Variants in CRKL observed in about 807,000 individuals in gnomAD.
CRKL encodes the protein CRK like proto-oncogene, adaptor protein.
Under a neutral mutation model 23.0 loss-of-function variants are expected in CRKL, and 3 were observed. The ratio of observed to expected loss-of-function variants is 0.13; its 90% confidence interval spans 0.06 to 0.34. The LOEUF (loss-of-function observed/expected upper bound fraction) is 0.34, where lower values mean the gene tolerates loss of function less well. Ranked by LOEUF, CRKL falls within the 10% of genes least tolerant of loss-of-function variation. The pLI, the probability that CRKL is intolerant of heterozygous loss-of-function variation, is 1.00. For synonymous variants in CRKL, 188 were observed against 160.7 expected (o/e 1.17, Z -1.28); for missense variants, 256 against 394.5 (o/e 0.65, Z 2.97).
chr22:20,925,626 T>C (rs1035797284), intron 1 of CRKL, among the ~76,000 whole-genome samples: 3 of 152,240 alleles, frequency 2.0e-5, no homozygotes, highest in African/African-American at 7.2e-5. Context: ...GAATCTGAGC[T>C]AAAATCATAA....
chr22:20,947,675 C>CTTT (rs1491297940), intron 2 of CRKL, among the ~76,000 whole-genome samples: 14 of 86,000 alleles, frequency 1.6e-4, no homozygotes, highest in African/African-American at 5.1e-4. Flanking sequence ...TTCTTTTTTT[C>CTTT]ATTTTTTTTT....
chr22:20,950,489 C>T lies in CRKL; in HGVS notation c.*644C>T, dbSNP rs751862979. 3.5e-5 allele frequency: 8 copies of T among 230,396 alleles called. No individual in the cohort carries two copies. The highest frequency in any genetic ancestry group is 2.2e-5 in the African/African-American group (1 of 45,184). The allele number at this position is 230,396 out of a possible 1,614,324, so 14.3% of individuals were successfully genotyped here. A position where few individuals can be genotyped will look rare whatever the true frequency, so the allele number is the denominator to read the frequency against. ...AGTGCAGTGGCGCAATCTCGCCTTC[C>T]TGCAGTCTCCGCCTCCTGAGTTCAA... On this transcript the variant is annotated 3_prime_UTR_variant, in exon 3 of 3. Coordinates refer to ENST00000354336, the MANE Select transcript of CRKL (RefSeq NM_005207.4).
chr22:20,937,651 C>T (rs1278223900), intron 2 of CRKL, among the ~76,000 whole-genome samples: 2 of 151,444 alleles, frequency 1.3e-5, no homozygotes, highest in Non-Finnish European at 2.9e-5. Flanking sequence ...AACCTACATA[C>T]TTGGCCATAC....
At chr22:20,942,065 A>G (rs962471768) in intron 2 of CRKL, among the ~76,000 whole-genome samples, 1 of 152,152 alleles carries the variant, frequency 6.6e-6, no homozygotes, top group Non-Finnish European at 1.5e-5. Flanking sequence ...GTTTATTCTC[A>G]TGACTGCTCC....
At chr22:20,929,954 A>G (rs529750628) in intron 1 of CRKL, among the ~76,000 whole-genome samples, 1 of 152,150 alleles carries the variant, frequency 6.6e-6, no homozygotes, top group Non-Finnish European at 1.5e-5. Context: ...ACTAATGTGT[A>G]ATTTTCAGGG....
chr22:20,919,648 A>T (rs1362010754), intron 1 of CRKL, among the ~76,000 whole-genome samples: 1 of 152,170 alleles, frequency 6.6e-6, no homozygotes, highest in African/African-American at 2.4e-5. Flanking sequence ...GTTGCCTAGA[A>T]TTTTTAAAGT....
At chr22:20,925,975 A>C (rs1921187282) in intron 1 of CRKL, among the ~76,000 whole-genome samples, 1 of 152,226 alleles carries the variant, frequency 6.6e-6, no homozygotes, top group Non-Finnish European at 1.5e-5. Flanking sequence ...TGGTCTATTG[A>C]AAAAATTAGA....
At chr22:20,923,787 G>A (rs976103506) in intron 1 of CRKL, among the ~76,000 whole-genome samples, 5 of 150,948 alleles carry the variant, frequency 3.3e-5, no homozygotes, top group African/African-American at 9.8e-5. Flanking sequence ...ATGTTGAGCA[G>A]GATGGTTTTC....
At chr22:20,923,225 T>C (rs752376918) in intron 1 of CRKL, among the ~76,000 whole-genome samples, 3 of 152,096 alleles carry the variant, frequency 2.0e-5, no homozygotes, top group Non-Finnish European at 4.4e-5. Context: ...GGAACCAACA[T>C]TGAATCAGAC....
At chr22:20,929,991 A>G (rs972573853) in intron 1 of CRKL, among the ~76,000 whole-genome samples, 1 of 152,128 alleles carries the variant, frequency 6.6e-6, no homozygotes, top group African/African-American at 2.4e-5. Context: ...TGAGTTTGAG[A>G]ATATAGGGCA....
chr22:20,924,996 TG>T (rs1921143005), intron 1 of CRKL, among the ~76,000 whole-genome samples: 1 of 151,790 alleles, frequency 6.6e-6, no homozygotes, highest in African/African-American at 2.4e-5. Context: ...AAGACCATCC[TG>T]GCCAACATAG....
At chr22:20,946,810 C>T (rs1041974127) in intron 2 of CRKL, among the ~76,000 whole-genome samples, 1 of 152,000 alleles carries the variant, frequency 6.6e-6, no homozygotes, top group African/African-American at 2.4e-5. Context: ...GGAAGAGCAC[C>T]ACACCAGAAT....
At chr22:20,936,949 CTCCTGGGCTCAAGCGATTCTTCTGCT>C (rs954828198) in intron 2 of CRKL, among the ~76,000 whole-genome samples, 1 of 151,952 alleles carries the variant, frequency 6.6e-6, no homozygotes, top group African/African-American at 2.4e-5. Context: ...CAACCTCTGC[CTCCTGGGCTCAAGCGATTCTTCTGCT>C]TCAGCCTCTC....
Position 20,927,278 on chromosome 22 carries a change from C to T in CRKL, c.312-6501C>T, listed in dbSNP as rs557877551. ...TGATCTCGGTTCACTGCAGTCTCCA[C>T]CTCCCGGGTTCAAGTGATTCTCCTG... On this transcript the variant is annotated intron_variant, in intron 1 of 2. Coordinates refer to ENST00000354336, the MANE Select transcript of CRKL (RefSeq NM_005207.4). Among the ~76,000 whole-genome samples, 18 of 138,854 alleles carry T rather than the reference C, an allele frequency of 1.3e-4. No homozygotes were observed. The East Asian group carries it at 3.3e-3, about 25-fold the overall frequency. The allele number at this position is 138,854 out of a possible 152,430, so 91.1% of individuals were successfully genotyped here. A position where few individuals can be genotyped will look rare whatever the true frequency, so the allele number is the denominator to read the frequency against.
Position 20,917,493 on chromosome 22 carries a change from C to T in CRKL, c.-442C>T. The T allele has an allele frequency of 1.2e-5, 3 of 244,322 alleles. No homozygotes were observed. Among genetic ancestry groups the T allele is most frequent in the Non-Finnish European group, 2.4e-5 (3 of 125,942 alleles). 15.1% of individuals were successfully genotyped at this position (244,322 alleles called of 1,614,324 possible). ...TGTTGCTGTGGCTATTGGGAACAAG[C>T]TGGGCAAAAGCACCCCGGAGGCGCG... On this transcript the variant is annotated 5_prime_UTR_variant, in exon 1 of 3. Transcript: ENST00000354336.
chr22:20,927,726 C>G (rs1436187031), intron 1 of CRKL, among the ~76,000 whole-genome samples: 1 of 148,260 alleles, frequency 6.7e-6, no homozygotes, highest in Non-Finnish European at 1.5e-5. Context: ...GCCTGTAATC[C>G]CAGCTACTTG....
intron 2 of CRKL, among the ~76,000 whole-genome samples, chr22:20,944,139 CTTTT>C (rs57177824): frequency 1.9e-5 from 2 of 105,846 alleles, no homozygotes; most frequent in Non-Finnish European, 3.7e-5. Flanking sequence ...GTAGTATTAG[CTTTT>C]TTTTTTTTTT....
chr22:20,947,615 C>T (rs1922110667), intron 2 of CRKL, among the ~76,000 whole-genome samples: 1 of 151,790 alleles, frequency 6.6e-6, no homozygotes, highest in African/African-American at 2.4e-5. Context: ...GTTGGGATTA[C>T]AGATGTGAGC....
In CRKL at chr22:20,952,536, C is replaced by T. The variant is rs1922315980; in HGVS notation, c.*2691C>T. 4.3e-6 allele frequency: 1 copy of T among 231,914 alleles called. No individual in the cohort carries two copies. Among genetic ancestry groups the T allele is most frequent in the Non-Finnish European group, 8.5e-6 (1 of 117,114 alleles). 14.4% of individuals were successfully genotyped at this position (231,914 alleles called of 1,614,324 possible). On this transcript the variant is annotated 3_prime_UTR_variant, in exon 3 of 3. Coordinates refer to ENST00000354336, the MANE Select transcript of CRKL (RefSeq NM_005207.4). ...AGGCAGGGATACTCTGTTTTTCACA[C>T]TAAACATATGAATGCAGCACTGCTG...
Sources: allele counts gnomAD v4.1 joint callset (sites outside exome capture counted in the v4.1 genomes callset), GRCh38; gene constraint gnomAD v4.1.1; transcripts MANE v1.5; gene names NCBI Gene and HGNC (gene_info 2026-07-23, HGNC 2026-07-21).